GNG2: variants seen among roughly 807,000 people sequenced by gnomAD.
GNG2 encodes guanine nucleotide-binding protein G(I)/G(S)/G(O) subunit gamma-2.
GNG2 carries 5 observed loss-of-function variants against 5.5 expected under a neutral mutation model. The observed-to-expected ratio is 0.91, with a 90% CI of 0.48 to 1.92. The LOEUF (loss-of-function observed/expected upper bound fraction) is 1.92, where lower values mean the gene tolerates loss of function less well. Ranked by LOEUF, GNG2 falls within the 30% of genes most tolerant of loss-of-function variation. The pLI, the probability that GNG2 is intolerant of heterozygous loss-of-function variation, is 0.01. For synonymous variants in GNG2, 28 were observed against 32.0 expected (o/e 0.88, Z 0.42); for missense variants, 55 against 88.4 (o/e 0.62, Z 1.52).
intron 2 of GNG2, among the ~76,000 whole-genome samples, chr14:51,897,533 C>A (rs993567262): frequency 1.3e-5 from 2 of 152,014 alleles, no homozygotes; most frequent in Admixed American, 1.3e-4. Context: ...GGTATTCTAG[C>A]AGTAACTTCA....
intron 2 of GNG2, among the ~76,000 whole-genome samples, chr14:51,887,545 G>A (rs956883357): frequency 1.5e-4 from 23 of 152,166 alleles, no homozygotes; most frequent in Non-Finnish European, 3.1e-4. Context: ...AACAAATGTG[G>A]AATGCTATCC....
chr14:51,956,417 A>T (rs1889275872), intron 3 of GNG2, among the ~76,000 whole-genome samples: 1 of 152,186 alleles, frequency 6.6e-6, no homozygotes, highest in Non-Finnish European at 1.5e-5. Flanking sequence ...CTGTCTCCAC[A>T]TAGATAGTAT....
intron 2 of GNG2, among the ~76,000 whole-genome samples, chr14:51,842,612 T>A (rs147385916): frequency 6.6e-6 from 1 of 152,250 alleles, no homozygotes; most frequent in African/African-American, 2.4e-5. Flanking sequence ...TTGGCCTATG[T>A]TACCACAAAT....
At chr14:51,924,066 G>T (rs1174677598) in intron 2 of GNG2, among the ~76,000 whole-genome samples, 2 of 152,132 alleles carry the variant, frequency 1.3e-5, no homozygotes, top group African/African-American at 4.8e-5. Context: ...TTAAGCTATT[G>T]GTCATTCATA....
At chr14:51,922,348 C>T (rs1420776877) in intron 2 of GNG2, among the ~76,000 whole-genome samples, 2 of 152,178 alleles carry the variant, frequency 1.3e-5, no homozygotes, top group Non-Finnish European at 2.9e-5. Flanking sequence ...ATTAAGTTTA[C>T]TTAGCAAAAA....
intron 2 of GNG2, among the ~76,000 whole-genome samples, chr14:51,943,876 G>A (rs761930021): frequency 8.5e-5 from 13 of 152,132 alleles, no homozygotes; most frequent in Non-Finnish European, 1.3e-4. Context: ...CCAAAGCAAT[G>A]GACAAATTCA....
intron 2 of GNG2, among the ~76,000 whole-genome samples, chr14:51,919,700 C>T (rs1265366152): frequency 6.6e-6 from 1 of 152,200 alleles, no homozygotes; most frequent in Non-Finnish European, 1.5e-5. Flanking sequence ...TTTGTTTGAA[C>T]ATGTTCCGCC....
At chr14:51,859,538 T>C (rs1262013724), upstream of GNG2, among the ~76,000 whole-genome samples, 1 of 152,240 alleles carries the variant, frequency 6.6e-6, no homozygotes, top group African/African-American at 2.4e-5. Flanking sequence ...TCCCCAGAAC[T>C]ATTATTAGCA....
chr14:51,946,082 T>G, intron 2 of GNG2, among the ~76,000 whole-genome samples: 1 of 152,348 alleles, frequency 6.6e-6, no homozygotes, highest in South Asian at 2.1e-4. Context: ...ATACTTGTTC[T>G]AGAACAGCAT....
intron 2 of GNG2, among the ~76,000 whole-genome samples, chr14:51,839,235 G>A (rs1433827173): frequency 6.6e-6 from 1 of 152,220 alleles, no homozygotes; most frequent in Admixed American, 6.5e-5. Flanking sequence ...GGAGACATGA[G>A]ACATCAATCA....
intron 1 of GNG2, among the ~76,000 whole-genome samples, chr14:51,872,310 T>TTGTGTGTGTGTGTGTGTG (rs35147124): frequency 8.0e-5 from 12 of 149,988 alleles, no homozygotes; most frequent in African/African-American, 1.7e-4. Flanking sequence ...AATGACTATT[T>TTGTGTGTGTGTGTGTGTG]TGTGTGTGTG....
Position 51,924,609 on chromosome 14 carries a change from A to G in GNG2, c.-29-26041A>G, listed in dbSNP as rs58487003. Among the ~76,000 whole-genome samples the G allele has an allele frequency of 6.8e-3, 1,029 of 152,360 alleles. 16 individuals carry two copies. The highest frequency in any genetic ancestry group is 0.024 in the African/African-American group (978 of 41,578). Reference sequence around the variant, plus strand: ...AGCAGAGGAACCTTGAGGAAGAAACAGCCCTTGACAAGCTAAGTTGCTCTA... The same window carrying G: ...AGCAGAGGAACCTTGAGGAAGAAACGGCCCTTGACAAGCTAAGTTGCTCTA... On this transcript the variant is annotated intron_variant, in intron 2 of 3. Coordinates refer to ENST00000556766, the MANE Select transcript of GNG2 (RefSeq NM_053064.5).
At chr14:51,928,026 C>CTTTTTT (rs35561589) in intron 2 of GNG2, among the ~76,000 whole-genome samples, 3 of 103,054 alleles carry the variant, frequency 2.9e-5, no homozygotes, top group African/African-American at 8.1e-5. Flanking sequence ...CTCTCTCTCT[C>CTTTTTT]TTTTTTTTTT....
chr14:51,880,224 G>T (rs1284756491), intron 2 of GNG2, among the ~76,000 whole-genome samples: 1 of 152,138 alleles, frequency 6.6e-6, no homozygotes, highest in African/African-American at 2.4e-5. Flanking sequence ...AACTCTGGAG[G>T]GTTTGCCTAC....
chr14:51,937,711 G>A (rs1888095874), intron 2 of GNG2, among the ~76,000 whole-genome samples: 2 of 118,384 alleles, frequency 1.7e-5, no homozygotes, highest in Admixed American at 2.1e-4. Flanking sequence ...GTGCCATGCT[G>A]GTGCGCTGCA....
intron 2 of GNG2, among the ~76,000 whole-genome samples, chr14:51,878,838 T>A (rs1883853477): frequency 6.6e-6 from 1 of 152,250 alleles, no homozygotes; most frequent in South Asian, 2.1e-4. Flanking sequence ...AGACATCCCA[T>A]ATTCTATCAA....
chr14:51,934,364 T>A (rs1887844143), intron 2 of GNG2, among the ~76,000 whole-genome samples: 2 of 152,322 alleles, frequency 1.3e-5, no homozygotes, highest in South Asian at 2.1e-4. Flanking sequence ...TTTCTGCATA[T>A]TCATCCACTT....
At chr14:51,862,732 G>A (rs1338492559) in intron 1 of GNG2, among the ~76,000 whole-genome samples, 1 of 152,234 alleles carries the variant, frequency 6.6e-6, no homozygotes, top group East Asian at 1.9e-4. Context: ...ACTAAGAGGT[G>A]CCTATTTTCT....
chr14:51,895,182 A>T (rs902295303), intron 2 of GNG2, among the ~76,000 whole-genome samples: 1 of 152,204 alleles, frequency 6.6e-6, no homozygotes, highest in Non-Finnish European at 1.5e-5. Context: ...TACATGGAGA[A>T]CTACTAAATA....
Sources: gnomAD v4.1 joint callset for allele counts (sites outside exome capture counted in the v4.1 genomes callset) on GRCh38, gnomAD v4.1.1 for gene constraint, MANE v1.5 for transcripts, NCBI Gene and HGNC (gene_info 2026-07-23, HGNC 2026-07-21) for gene names.